GRIN2A: variants seen among roughly 807,000 people sequenced by gnomAD.
GRIN2A encodes the protein glutamate receptor ionotropic, NMDA 2A.
A neutral mutation model predicts 113.4 loss-of-function variants in GRIN2A; 22 were observed. That is an observed-to-expected ratio of 0.19 (90% CI 0.14 to 0.28). The LOEUF is 0.28. GRIN2A is among the 10% of genes least tolerant of loss of function. The probability of loss-of-function intolerance (pLI) is 1.00; values close to 1 mark genes in which losing one functional copy is unlikely to be tolerated. For synonymous variants in GRIN2A, 827 were observed against 738.4 expected (o/e 1.12, Z -1.94); for missense variants, 1,502 against 1,887.0 (o/e 0.80, Z 3.78).
chr16:10,057,114 C>T (rs74007911), intron 2 of GRIN2A, among the ~76,000 whole-genome samples: 20 of 152,214 alleles, frequency 1.3e-4, no homozygotes, highest in Middle Eastern at 3.4e-3. Flanking sequence ...CCCATCCATC[C>T]ATCATTCATC....
In GRIN2A at chr16:9,761,390, TGGCCA is replaced by T; in HGVS notation, c.*1754_*1758del. ...CAGAATGCAGGAGGAAACCAGGAAA[TGGCCA>T]GGCGAGTCTACATTAGCTTAGTGTT... On this transcript the variant is annotated 3_prime_UTR_variant, in exon 13 of 13. Coordinates refer to ENST00000330684, the MANE Select transcript of GRIN2A (RefSeq NM_001134407.3). 1 of 230,916 alleles carries T rather than the reference TGGCCA, an allele frequency of 4.3e-6. No individual in the cohort carries two copies. The highest frequency in any genetic ancestry group is 8.6e-6 in the Non-Finnish European group (1 of 116,622). 14.3% of individuals were successfully genotyped at this position (230,916 alleles called of 1,614,324 possible).
At chr16:10,121,442 C>G (rs1303265180) in intron 2 of GRIN2A, 1 of 150,644 alleles carries the variant, frequency 6.6e-6, no homozygotes, top group East Asian at 2.0e-4. Flanking sequence ...CCACAGATAC[C>G]TTCTCCTCTG....
intron 2 of GRIN2A, among the ~76,000 whole-genome samples, chr16:10,133,510 G>A (rs1257817410): frequency 6.6e-6 from 1 of 152,170 alleles, no homozygotes. Context: ...TGAAGGCTGA[G>A]GCACGAGAAG....
intron 2 of GRIN2A, chr16:10,111,334 G>T: frequency 2.6e-6 from 1 of 391,482 alleles, no homozygotes; most frequent in South Asian, 2.2e-5. Context: ...GGCAGCAGCG[G>T]CAGGCGGCCG....
chr16:9,827,520 A>AG (rs1276660703), intron 9 of GRIN2A, among the ~76,000 whole-genome samples: 1 of 152,224 alleles, frequency 6.6e-6, no homozygotes, highest in Non-Finnish European at 1.5e-5. Flanking sequence ...TTCGTACCTT[A>AG]AAGTTTTTCC....
chr16:9,934,810 G>A (rs1235513435), intron 3 of GRIN2A, among the ~76,000 whole-genome samples: 5 of 151,780 alleles, frequency 3.3e-5, no homozygotes, highest in Non-Finnish European at 7.4e-5. Context: ...TCCCTGGGGT[G>A]GGCGTCAGGG....
At chr16:10,034,208 G>C (rs1481426690) in intron 2 of GRIN2A, among the ~76,000 whole-genome samples, 1 of 152,108 alleles carries the variant, frequency 6.6e-6, no homozygotes, top group East Asian at 1.9e-4. Flanking sequence ...TCAGTGATCA[G>C]GGAAGCTTAG....
At chr16:10,104,802 G>A (rs60369057) in intron 2 of GRIN2A, among the ~76,000 whole-genome samples, 4,835 of 152,198 alleles carry the variant, frequency 0.032, 256 homozygotes, top group East Asian at 0.27. Context: ...TGCAGGGGCC[G>A]CAGTCGACGG....
rs1285278555 is a variant in GRIN2A, at chr16:9,968,377, G to A, written c.415-29826C>T. On this transcript the variant is annotated intron_variant, in intron 2 of 12. Transcript: ENST00000330684. ...TACCCAGGCTGGAGTGCAATGGTAC[G>A]ATCTTGGCTCACTGCAACTTCCGCC... Among the ~76,000 whole-genome samples, 4 of 152,160 alleles carry A rather than the reference G, an allele frequency of 2.6e-5. No homozygotes were observed. In the South Asian group the frequency reaches 8.3e-4, roughly 32 times the overall value.
At chr16:9,979,615 A>T (rs1384735119) in intron 2 of GRIN2A, among the ~76,000 whole-genome samples, 1 of 151,840 alleles carries the variant, frequency 6.6e-6, no homozygotes, top group Non-Finnish European at 1.5e-5. Flanking sequence ...TAGTTTTTTC[A>T]CCTGTGTATT....
intron 2 of GRIN2A, among the ~76,000 whole-genome samples, chr16:10,035,646 G>C (rs9927927): frequency 6.6e-6 from 1 of 151,928 alleles, no homozygotes; most frequent in Non-Finnish European, 1.5e-5. Flanking sequence ...GGAAGCCCAA[G>C]AATCTGCATT....
intron 12 of GRIN2A, among the ~76,000 whole-genome samples, chr16:9,766,011 C>A (rs16966264): frequency 0.016 from 2,498 of 152,202 alleles, 55 homozygotes; most frequent in African/African-American, 0.057. Context: ...CCCTTGATTC[C>A]TACCACAATA....
At chr16:10,148,610 G>T (rs2049496276) in intron 2 of GRIN2A, among the ~76,000 whole-genome samples, 1 of 152,164 alleles carries the variant, frequency 6.6e-6, no homozygotes, top group Admixed American at 6.5e-5. Context: ...CCTCTTCTCT[G>T]CGTCTTCCCC....
intron 2 of GRIN2A, among the ~76,000 whole-genome samples, chr16:10,064,870 G>C (rs1290282527): frequency 1.3e-5 from 2 of 152,176 alleles, no homozygotes; most frequent in African/African-American, 4.8e-5. Flanking sequence ...GTTGTTTATG[G>C]CTGGCAAGCA....
At chr16:10,110,456 A>T (rs1487806234) in intron 2 of GRIN2A, among the ~76,000 whole-genome samples, 1 of 152,232 alleles carries the variant, frequency 6.6e-6, no homozygotes, top group Admixed American at 6.5e-5. Flanking sequence ...ATTTCTTAAC[A>T]GAATATGGAG....
chr16:10,009,271 T>C (rs961372867), intron 2 of GRIN2A, among the ~76,000 whole-genome samples: 4 of 152,238 alleles, frequency 2.6e-5, no homozygotes, highest in Non-Finnish European at 2.9e-5. Context: ...TTAATTTTTG[T>C]AATCCCATGT....
chr16:9,827,621 A>G (rs2042410256), intron 9 of GRIN2A, among the ~76,000 whole-genome samples: 1 of 152,182 alleles, frequency 6.6e-6, no homozygotes, highest in South Asian at 2.1e-4. Flanking sequence ...GGGAACTTAA[A>G]TTGCCAGGCA....
chr16:10,082,139 T>C (rs2047997369), intron 2 of GRIN2A, among the ~76,000 whole-genome samples: 1 of 152,200 alleles, frequency 6.6e-6, no homozygotes, highest in Non-Finnish European at 1.5e-5. Context: ...TTTACCTAGA[T>C]TTGGAGCCTC....
intron 2 of GRIN2A, among the ~76,000 whole-genome samples, chr16:10,055,046 T>TAAAAAAAAAAAAAAAAAAAA (rs1567266287): frequency 1.6e-4 from 2 of 12,488 alleles, no homozygotes; most frequent in Non-Finnish European, 2.7e-4. Flanking sequence ...AGACTCTATC[T>TAAAAAAAAAAAAAAAAAAAA]CAAAAAAAAA....
Sources: gnomAD v4.1 joint callset for allele counts (sites outside exome capture counted in the v4.1 genomes callset) on GRCh38, gnomAD v4.1.1 for gene constraint, MANE v1.5 for transcripts, NCBI Gene and HGNC (gene_info 2026-07-23, HGNC 2026-07-21) for gene names.